CCDC192: variants seen among roughly 807,000 people sequenced by gnomAD.
CCDC192 encodes coiled-coil domain containing 192.
At chr5:127,717,216 T>G (rs547273080) in intron 2 of CCDC192, among the ~76,000 whole-genome samples, 1 of 152,192 alleles carries the variant, frequency 6.6e-6, no homozygotes, top group Non-Finnish European at 1.5e-5. Context: ...TGTTCATATA[T>G]TCAATTTTAA....
chr5:127,786,259 G>T, intron 3 of CCDC192: 1 of 671,178 alleles, frequency 1.5e-6, no homozygotes, highest in East Asian at 2.6e-5. Flanking sequence ...ACAAGCCTCT[G>T]CCTTATTCAT....
At chr5:127,893,570 T>G (rs570097751) in intron 6 of CCDC192, among the ~76,000 whole-genome samples, 1 of 152,324 alleles carries the variant, frequency 6.6e-6, no homozygotes, top group East Asian at 1.9e-4. Flanking sequence ...TATAAACACG[T>G]AGGCTTTTGA....
At chr5:127,776,628 A>C (rs1755872825) in intron 3 of CCDC192, among the ~76,000 whole-genome samples, 1 of 152,248 alleles carries the variant, frequency 6.6e-6, no homozygotes, top group African/African-American at 2.4e-5. Flanking sequence ...CAAGGTCTTC[A>C]CAGCAGACCC....
At chr5:127,906,265 A>C (rs1753191409) in intron 6 of CCDC192, among the ~76,000 whole-genome samples, 1 of 152,210 alleles carries the variant, frequency 6.6e-6, no homozygotes, top group Non-Finnish European at 1.5e-5. Context: ...CTACAGGTGG[A>C]ATCACACAAT....
chr5:127,814,079 C>A (rs905301225), intron 5 of CCDC192, among the ~76,000 whole-genome samples: 3 of 152,036 alleles, frequency 2.0e-5, no homozygotes, highest in Non-Finnish European at 4.4e-5. Flanking sequence ...CACAGAAGAA[C>A]TGGTTTAGAG....
chr5:127,735,465 A>G (rs1561454754), intron 2 of CCDC192, among the ~76,000 whole-genome samples: 1 of 134,158 alleles, frequency 7.5e-6, no homozygotes, highest in Non-Finnish European at 1.6e-5. Context: ...TTCTTTGAAG[A>G]AAGTCATTGG....
chr5:127,917,834 G>A (rs371511643), intron 6 of CCDC192, among the ~76,000 whole-genome samples: 35 of 152,102 alleles, frequency 2.3e-4, no homozygotes, highest in African/African-American at 4.3e-4. Flanking sequence ...AAGTGAGCAC[G>A]TGCTGTTGAA....
At chr5:127,800,694 GT>G (rs1402104099) in intron 5 of CCDC192, among the ~76,000 whole-genome samples, 3 of 152,006 alleles carry the variant, frequency 2.0e-5, no homozygotes, top group Non-Finnish European at 4.4e-5. Flanking sequence ...TCTTAAATAT[GT>G]TTCTCTATTC....
intron 3 of CCDC192, among the ~76,000 whole-genome samples, chr5:127,787,418 T>G (rs554513959): frequency 1.3e-5 from 2 of 152,346 alleles, no homozygotes; most frequent in South Asian, 2.1e-4. Context: ...CATAAGTTTT[T>G]GTATGCTATG....
chr5:127,866,937 A>C (rs1354597982), intron 5 of CCDC192, among the ~76,000 whole-genome samples: 2 of 152,136 alleles, frequency 1.3e-5, no homozygotes. Context: ...ATGCTGTTAT[A>C]AGCATCATTT....
At chr5:127,742,740 T>A (rs1420588864) in intron 2 of CCDC192, among the ~76,000 whole-genome samples, 1 of 152,120 alleles carries the variant, frequency 6.6e-6, no homozygotes, top group Non-Finnish European at 1.5e-5. Flanking sequence ...TAAAGAAATA[T>A]CCTCTTAACA....
chr5:127,752,069 C>T (rs573498001), intron 2 of CCDC192, among the ~76,000 whole-genome samples: 3 of 152,180 alleles, frequency 2.0e-5, no homozygotes, highest in South Asian at 2.1e-4. Flanking sequence ...AACGTCCTCC[C>T]GTAGCTCAGA....
intron 2 of CCDC192, among the ~76,000 whole-genome samples, chr5:127,742,821 T>C (rs534500547): frequency 1.3e-5 from 2 of 152,338 alleles, no homozygotes; most frequent in South Asian, 2.1e-4. Flanking sequence ...TTTGGCTTCA[T>C]GAAAAATTCA....
intron 6 of CCDC192, among the ~76,000 whole-genome samples, chr5:127,904,100 T>A (rs962533562): frequency 6.6e-6 from 1 of 152,034 alleles, no homozygotes; most frequent in African/African-American, 2.4e-5. Context: ...CAGAGAGAGA[T>A]GTGATAGATT....
chr5:127,903,241 A>AT (rs748694522), intron 6 of CCDC192, among the ~76,000 whole-genome samples: 1,670 of 143,420 alleles, frequency 0.012, 25 homozygotes, highest in Middle Eastern at 0.039. Flanking sequence ...TTTTGGAGGA[A>AT]TTTTTTTTTT....
intron 3 of CCDC192, among the ~76,000 whole-genome samples, chr5:127,780,099 ATATCTATATT>A (rs1756109976): frequency 6.6e-6 from 1 of 152,052 alleles, no homozygotes; most frequent in Non-Finnish European, 1.5e-5. Flanking sequence ...TCCATCATAT[ATATCTATATT>A]TATCTATATA....
At chr5:127,791,291 A>T (rs1002419679) in intron 3 of CCDC192, among the ~76,000 whole-genome samples, 2 of 152,254 alleles carry the variant, frequency 1.3e-5, no homozygotes, top group African/African-American at 4.8e-5. Context: ...ATTGCAATAT[A>T]TTAAAAGCCA....
chr5:127,921,836 C>T (rs901780653), intron 6 of CCDC192, among the ~76,000 whole-genome samples: 3 of 152,008 alleles, frequency 2.0e-5, no homozygotes, highest in East Asian at 1.9e-4. Flanking sequence ...TTAATTTGCC[C>T]GAGAGTATAT....
At chr5:127,795,063 C>T (rs906305809) in intron 3 of CCDC192, among the ~76,000 whole-genome samples, 2 of 151,958 alleles carry the variant, frequency 1.3e-5, no homozygotes, top group Non-Finnish European at 1.5e-5. Flanking sequence ...GAGGCCGAGG[C>T]GGGCGGATCA....
Sources: gnomAD v4.1 joint callset for allele counts (sites outside exome capture counted in the v4.1 genomes callset) on GRCh38, gnomAD v4.1.1 for gene constraint, MANE v1.5 for transcripts, NCBI Gene and HGNC (gene_info 2026-07-23, HGNC 2026-07-21) for gene names.